Variants in GGT7 observed in about 807,000 individuals in gnomAD.
GGT7 encodes glutathione hydrolase 7.
Under a neutral mutation model 69.2 loss-of-function variants are expected in GGT7, and 30 were observed. That is an observed-to-expected ratio of 0.43 (90% CI 0.32 to 0.59). GGT7 has a LOEUF of 0.59. Among genes scored for constraint, GGT7 ranks in the 20% least tolerant of loss-of-function variants. GGT7 has a pLI of 0.05. For synonymous variants in GGT7, 388 were observed against 391.8 expected (o/e 0.99, Z 0.12); for missense variants, 733 against 901.1 (o/e 0.81, Z 2.39).
chr20:34,850,791 A>T (rs1249383645), intron 13 of GGT7: 1 of 511,144 alleles, frequency 2.0e-6, no homozygotes, highest in Non-Finnish European at 3.9e-6. Context: ...CCACCTGCCA[A>T]AATAGGTGCC....
In GGT7 at chr20:34,852,282, G is replaced by C; in HGVS notation, c.1470-10C>G. 1 of 1,607,918 alleles carries C rather than the reference G, an allele frequency of 6.2e-7. No homozygotes were observed. ...GGGCTGGTTCAGGGAGCTGGGGGCC[G>C]AGGTGGGGTTGGGTGAGCCCTGGCC... On this transcript the variant is annotated splice_polypyrimidine_tract_variant and intron_variant, in intron 11 of 14. Coordinates refer to ENST00000336431, the MANE Select transcript of GGT7 (RefSeq NM_178026.3).
Position 34,862,957 on chromosome 20 carries a change from C to A in GGT7, c.414G>T (p.Gln138His). The change falls in exon 3 of 15, where the codon CAG (glutamine) becomes CAT (histidine). Residue 138 changes from glutamine to histidine, a missense_variant. Transcript: ENST00000336431. Reference sequence around the variant, plus strand: ...CAGCATCGGTCACCACGGCACCCTGCTGGAAGATCTGGGAGGGGAAAGAGG... The same window carrying A: ...CAGCATCGGTCACCACGGCACCCTGATGGAAGATCTGGGAGGGGAAAGAGG... ...QIYFGDPQIF[Q>H]QGAVVTDAAR... 1 of 1,612,340 alleles carries A rather than the reference C, an allele frequency of 6.2e-7. No individual in the cohort carries two copies. The highest frequency in any genetic ancestry group is 8.5e-7 in the Non-Finnish European group (1 of 1,179,274).
Position 34,863,067 on chromosome 20 carries a change from C to G in GGT7, c.406-102G>C. ...CTCTACGCGGCATGAAGGTCGAAGC[C>G]CTGCCCCCTTGTTGCCTTGACTCTG... On this transcript the variant is annotated intron_variant, in intron 2 of 14. Coordinates refer to ENST00000336431, the MANE Select transcript of GGT7 (RefSeq NM_178026.3). The surrounding 1 kb of genome is among the most constrained non-coding windows in gnomAD (Gnocchi z 4.4). 1.7e-6 allele frequency: 2 copies of G among 1,196,242 alleles called. No homozygotes were observed. The highest frequency in any genetic ancestry group is 4.5e-5 in the Admixed American group (2 of 44,744). 74.1% of individuals were successfully genotyped at this position (1,196,242 alleles called of 1,614,324 possible). A position where few individuals can be genotyped will look rare whatever the true frequency, so the allele number is the denominator to read the frequency against.
At chr20:34,869,163 AAT>A (rs145650638) in intron 1 of GGT7, among the ~76,000 whole-genome samples, 2 of 149,822 alleles carry the variant, frequency 1.3e-5, no homozygotes, top group African/African-American at 4.9e-5. Flanking sequence ...TAAATAAATA[AAT>A]ATATATATAT....
At position 34,863,110 on chromosome 20, in the gene GGT7, G is replaced by T; in HGVS notation, c.406-145C>A. ...TGACTCTGCCCTCATTACCCCAAGT[G>T]CCTCCTAATGGATCTGTCCTTATTC... On this transcript the variant is annotated intron_variant, in intron 2 of 14. Coordinates refer to ENST00000336431, the MANE Select transcript of GGT7 (RefSeq NM_178026.3). This position sits in a 1 kb window ranked among gnomAD's most constrained non-coding sequence, Gnocchi z 4.4. 1.2e-6 allele frequency: 1 copy of T among 835,396 alleles called. No individual in the cohort carries two copies. Among genetic ancestry groups the T allele is most frequent in the Non-Finnish European group, 1.9e-6 (1 of 529,268 alleles). 51.7% of individuals were successfully genotyped at this position (835,396 alleles called of 1,614,324 possible).
chr20:34,872,852 G>C lies in GGT7; in HGVS notation c.-37C>G, dbSNP rs549172195. 7.6e-7 allele frequency: 1 copy of C among 1,318,938 alleles called. No individual in the cohort carries two copies. The highest frequency in any genetic ancestry group is 4.1e-5 in the Admixed American group (1 of 24,100). 81.7% of individuals were successfully genotyped at this position (1,318,938 alleles called of 1,614,324 possible). On this transcript the variant is annotated 5_prime_UTR_variant, in exon 1 of 15. Transcript: ENST00000336431. ...CCCCCCAGCAGCGCAGCGCCTGCCG[G>C]AAGTGGCTGCGGCGGGGGAGTGGGA... is the stretch of plus-strand genomic sequence containing the variant.
intron 13 of GGT7, 198 bp downstream of exon 13, chr20:34,851,033 G>T: frequency 1.5e-6 from 1 of 680,910 alleles, no homozygotes; most frequent in Non-Finnish European, 2.6e-6. Context: ...AAGACAGGGA[G>T]CATCAGGGCT....
rs1297577126 is a variant in GGT7 at position 34,859,622 on chromosome 20, G to T, written c.835C>A (p.Gln279Lys). The change falls in exon 7 of 15, where the codon CAG (glutamine) becomes AAG (lysine). Residue 279 changes from glutamine (Q) to lysine (K), a missense_variant. Transcript: ENST00000336431. The part of the protein sequence containing the change: ...THDLARALAE[Q>K]LPPNMSERFR... ...CGCTCGGACATGTTGGGTGGCAGCT[G>T]TTCAGCCAGGGCACGGGCTAGGGGC... is the stretch of plus-strand genomic sequence containing the variant. The T allele has an allele frequency of 6.3e-7, 1 of 1,597,684 alleles. No individual in the cohort carries two copies. The highest frequency in any genetic ancestry group is 8.5e-7 in the Non-Finnish European group (1 of 1,170,836).
chr20:34,845,491 C>A lies in GGT7; in HGVS notation c.1826G>T (p.Ser609Ile). Reference sequence around the variant, plus strand: ...CTCAATCTCTTCCTCTGTGAACTCACCTGAAAACCATCCCCGACATATACA... The same window carrying A: ...CTCAATCTCTTCCTCTGTGAACTCAACTGAAAACCATCCCCGACATATACA... ...DLQSNLLQVD[S>I]EFTEEEIEFL... Residue 609 changes from serine to isoleucine, a missense_variant and splice_region_variant, in exon 15 of 15, where the codon AGT becomes ATT. By Grantham distance (142) the Ser-to-Ile change is moderately radical. Transcript: ENST00000336431. The A allele has an allele frequency of 3.7e-6, 6 of 1,613,556 alleles. No homozygotes were observed. Among genetic ancestry groups the A allele is most frequent in the East Asian group, 2.2e-5 (1 of 44,878 alleles).
chr20:34,849,818 G>C, intron 14 of GGT7, 143 bp downstream of exon 14: 2 of 573,948 alleles, frequency 3.5e-6, no homozygotes, highest in African/African-American at 1.9e-5. Context: ...TCCCCAGATC[G>C]TTCACTGCTC....
intron 13 of GGT7, among the ~76,000 whole-genome samples, chr20:34,850,425 T>C (rs1318364563): frequency 1.3e-5 from 2 of 152,142 alleles, no homozygotes; most frequent in African/African-American, 4.8e-5. Flanking sequence ...TTTAACTTAG[T>C]GGTTAGGAGT....
chr20:34,846,229 C>T (rs2079302981), intron 14 of GGT7, among the ~76,000 whole-genome samples: 1 of 152,020 alleles, frequency 6.6e-6, no homozygotes, highest in Non-Finnish European at 1.5e-5. Flanking sequence ...CTCCCTGCTT[C>T]CAGCCCTCCC....
At chr20:34,870,631 A>C (rs1454493335) in intron 1 of GGT7, among the ~76,000 whole-genome samples, 1 of 142,994 alleles carries the variant, frequency 7.0e-6, no homozygotes, top group East Asian at 2.0e-4. Context: ...GGCCTGGCTA[A>C]TTTTTTTTTT....
At chr20:34,861,634 C>T (rs1908986510) in intron 3 of GGT7, 72 bp from the exon 4 acceptor site, 2 of 916,580 alleles carry the variant, frequency 2.2e-6, no homozygotes, top group Non-Finnish European at 3.1e-6. Context: ...TGCTGCCCCT[C>T]CACCCCCAGT....
At chr20:34,855,814 T>TGTGTGTGTGAGA (rs56219337) in intron 8 of GGT7, among the ~76,000 whole-genome samples, 1 of 144,518 alleles carries the variant, frequency 6.9e-6, no homozygotes, top group African/African-American at 2.7e-5. Flanking sequence ...TGTGTGTGTG[T>TGTGTGTGTGAGA]GATAATGGTC....
Position 34,863,203 on chromosome 20 carries a change from C to T in GGT7, c.405+110G>A. ...GGGACCTTCCTCTCCCAAGTCACCA[C>T]CCTCTCTCCCCTTCTACCACTCAGC... On this transcript the variant is annotated intron_variant, in intron 2 of 14. Transcript: ENST00000336431. The surrounding 1 kb of genome is among the most constrained non-coding windows in gnomAD (Gnocchi z 4.4). 2 of 894,518 alleles carry T rather than the reference C, an allele frequency of 2.2e-6. No individual in the cohort carries two copies. Among genetic ancestry groups the T allele is most frequent in the Admixed American group, 2.3e-5 (1 of 43,148 alleles). The allele number at this position is 894,518 out of a possible 1,614,324, so 55.4% of individuals were successfully genotyped here. A position where few individuals can be genotyped will look rare whatever the true frequency, so the allele number is the denominator to read the frequency against.
intron 14 of GGT7, among the ~76,000 whole-genome samples, chr20:34,847,371 C>A (rs2079318434): frequency 6.6e-6 from 1 of 152,194 alleles, no homozygotes; most frequent in Non-Finnish European, 1.5e-5. Context: ...ATGTGTCTCC[C>A]CTTCCCAACT....
Position 34,863,858 on chromosome 20 carries a change from T to C in GGT7, c.170-310A>G. 1 of 553,784 alleles carries C rather than the reference T, an allele frequency of 1.8e-6. No individual in the cohort carries two copies. Among genetic ancestry groups the C allele is most frequent in the South Asian group, 1.8e-5 (1 of 55,576 alleles). The allele number at this position is 553,784 out of a possible 1,614,324, so 34.3% of individuals were successfully genotyped here. ...TGAGAACACTTCCTGGGGGGTGGGG[T>C]GGGGGTTCCAGCCCTCAGTGGAAAT... is the stretch of plus-strand genomic sequence containing the variant. On this transcript the variant is annotated intron_variant, in intron 1 of 14. Transcript: ENST00000336431. The surrounding 1 kb of genome is among the most constrained non-coding windows in gnomAD (Gnocchi z 4.4).
chr20:34,862,892 T>C lies in GGT7; in HGVS notation c.479A>G (p.Gln160Arg). The change falls in exon 3 of 15, where the codon CAG (glutamine) becomes CGG (arginine). Residue 160 changes from glutamine (Q) to arginine (R), a missense_variant. Physicochemically the swap from Gln to Arg is conservative, Grantham distance 43 (BLOSUM62 1). Coordinates refer to ENST00000336431, the MANE Select transcript of GGT7 (RefSeq NM_178026.3). The part of the protein sequence containing the change: ...TSLGIEVLSK[Q>R]GSSVDAAVAA... ...CACCGCTGCGTCCACAGAAGATCCC[T>C]GTTTACTGAGCACCTCGATGCCCAG... is the stretch of plus-strand genomic sequence containing the variant. 1 of 1,614,120 alleles carries C rather than the reference T, an allele frequency of 6.2e-7. No homozygotes were observed. The highest frequency in any genetic ancestry group is 8.5e-7 in the Non-Finnish European group (1 of 1,180,002).
Sources: gnomAD v4.1 joint callset for allele counts (sites outside exome capture counted in the v4.1 genomes callset) on GRCh38, gnomAD v4.1.1 for gene constraint, Gnocchi (gnomAD v3.1) non-coding constraint, MANE v1.5 for transcripts, NCBI Gene and HGNC (gene_info 2026-07-23, HGNC 2026-07-21) for gene names.